The following NRK variants were observed in gnomAD, a reference collection of about 807,000 sequenced individuals.
The protein encoded by NRK is nik-related protein kinase.
In NRK, 67 loss-of-function variants were observed where a neutral mutation model predicts 125.2. The ratio of observed to expected loss-of-function variants is 0.54; its 90% CI spans 0.44 to 0.66. The LOEUF is 0.66. Ranked by LOEUF, NRK falls within the 30% of genes least tolerant of loss-of-function variation. NRK has a pLI of 0.00. For missense variants in NRK, 1,224 were observed against 1,192.9 expected (o/e 1.03, Z -0.38); for synonymous variants, 458 against 429.0 (o/e 1.07, Z -0.84).
At chrX:105,864,556 A>G (rs931546083) in intron 2 of NRK, among the ~76,000 whole-genome samples, 3 of 111,690 alleles carry the variant, frequency 2.7e-5, no homozygotes, top group African/African-American at 9.8e-5. Flanking sequence ...TAATATATAC[A>G]TCTTAAGTAA....
rs1340097774 is a variant in NRK, at chrX:105,941,753, C to T, written c.3958+1721C>T. ...TTTTAATTTACCTTTTAAAATAACC[C>T]TATTGAAATAATGTACATACCATGA... On this transcript the variant is annotated intron_variant, in intron 23 of 28. Coordinates refer to ENST00000243300, the MANE Select transcript of NRK (RefSeq NM_198465.4). Among the ~76,000 whole-genome samples, 13 of 111,361 alleles carry T rather than the reference C, an allele frequency of 1.2e-4. No homozygotes were observed. In the Admixed American group the frequency reaches 1.2e-3, roughly 11 times the overall value.
intron 19 of NRK, among the ~76,000 whole-genome samples, chrX:105,925,639 T>C (rs983376493): frequency 3.1e-4 from 35 of 111,327 alleles, no homozygotes; most frequent in Middle Eastern, 4.7e-3. Flanking sequence ...GAAACGACTA[T>C]TTACTCTCTA....
intron 22 of NRK, among the ~76,000 whole-genome samples, chrX:105,938,843 C>T (rs988873419): frequency 8.9e-6 from 1 of 111,789 alleles, no homozygotes; most frequent in African/African-American, 3.2e-5. Flanking sequence ...CACAGTTCCA[C>T]ATGGCTGGGG....
chrX:105,926,983 C>A (rs925432018), intron 19 of NRK, among the ~76,000 whole-genome samples: 1 of 110,762 alleles, frequency 9.0e-6, no homozygotes. Flanking sequence ...TGGTTCCATG[C>A]AAATTTTAGG....
chrX:105,846,103 T>C (rs1048429852), intron 2 of NRK, among the ~76,000 whole-genome samples: 2 of 111,385 alleles, frequency 1.8e-5, no homozygotes, highest in Non-Finnish European at 3.8e-5. Context: ...ATACCTAATA[T>C]AGGCCCAAGC....
chrX:105,881,923 C>A (rs956932335), intron 4 of NRK, 144 bp downstream of exon 4: 32 of 409,655 alleles, frequency 7.8e-5, no homozygotes, highest in Non-Finnish European at 1.1e-4. Context: ...ATATTTATAT[C>A]TTTTAATATA....
intron 3 of NRK, among the ~76,000 whole-genome samples, chrX:105,880,815 T>C: frequency 8.9e-6 from 1 of 111,886 alleles, no homozygotes; most frequent in Non-Finnish European, 1.9e-5. Flanking sequence ...CATATTGGCA[T>C]AGAATTTGCT....
At chrX:105,943,151 G>T (rs918534485) in intron 23 of NRK, among the ~76,000 whole-genome samples, 2 of 111,245 alleles carry the variant, frequency 1.8e-5, no homozygotes, top group African/African-American at 6.5e-5. Flanking sequence ...TTACTTCCAA[G>T]AATTTTATTG....
At chrX:105,853,394 G>A (rs763630815) in intron 2 of NRK, among the ~76,000 whole-genome samples, 6 of 111,686 alleles carry the variant, frequency 5.4e-5, no homozygotes, top group African/African-American at 2.0e-4. Context: ...TTGCTTCATT[G>A]TGCATATTAT....
chrX:105,919,957 A>C (rs1392720602), intron 16 of NRK, among the ~76,000 whole-genome samples: 1 of 102,406 alleles, frequency 9.8e-6, no homozygotes, highest in African/African-American at 3.7e-5. Flanking sequence ...TTTAGACATG[A>C]AGTCCTTGCC....
chrX:105,910,166 TA>T lies in NRK; in HGVS notation c.2241+289del, dbSNP rs368310303. ...CAATAAAGTGTCAACGAATGCACAT[TA>T]AAAATTACTATTTTGGATCTTTAAA... On this transcript the variant is annotated intron_variant, in intron 13 of 28. Transcript: ENST00000243300. Among the ~76,000 whole-genome samples the T allele has an allele frequency of 2.0e-3, 227 of 112,203 alleles. 3 individuals are homozygous for T. Among genetic ancestry groups the T allele is most frequent in the African/African-American group, 7.1e-3 (220 of 30,956 alleles).
chrX:105,873,063 C>T (rs2039768170), intron 2 of NRK, among the ~76,000 whole-genome samples: 1 of 111,654 alleles, frequency 9.0e-6, no homozygotes, highest in African/African-American at 3.3e-5. Flanking sequence ...GCCTCATGGC[C>T]TTCTGCCACC....
intron 1 of NRK, among the ~76,000 whole-genome samples, chrX:105,825,951 A>G (rs1308308946): frequency 1.9e-5 from 2 of 106,770 alleles, no homozygotes; most frequent in Non-Finnish European, 3.8e-5. Flanking sequence ...ATGTCTTTAT[A>G]TATATCTTTG....
At chrX:105,827,125 C>T (rs1440240155) in intron 1 of NRK, among the ~76,000 whole-genome samples, 1 of 111,867 alleles carries the variant, frequency 8.9e-6, no homozygotes, top group Non-Finnish European at 1.9e-5. Context: ...GAGATTTCCC[C>T]TTTAATGCCA....
intron 4 of NRK, among the ~76,000 whole-genome samples, chrX:105,883,089 G>A (rs892828146): frequency 3.2e-4 from 36 of 112,122 alleles, no homozygotes; most frequent in Non-Finnish European, 5.5e-4. Context: ...AGGAAATGCT[G>A]TAGCATCATA....
At position 105,906,584 on chromosome X, in the gene NRK, A is replaced by G; in HGVS notation, c.1016A>G (p.Lys339Arg). ...ACTGGAATCATTAAAAAAAGACAGA[A>G]AAAAGGTAGAATCTGTTAAGTTTTA... Reference protein sequence around the residue: ...HLTGIIKKRQKKGIPLIFERE... With the variant: ...HLTGIIKKRQRKGIPLIFERE... The change falls in exon 11 of 29, where the codon AAA becomes AGA. Residue 339 changes from lysine (K) to arginine (R), a missense_variant. Lys to Arg is a conservative substitution (Grantham distance 26, BLOSUM62 2). Transcript: ENST00000243300. 2.0e-6 allele frequency: 2 copies of G among 1,012,364 alleles called. No homozygotes were observed. Among genetic ancestry groups the G allele is most frequent in the Non-Finnish European group, 1.3e-6 (1 of 751,380 alleles). The allele number at this position is 1,012,364 out of a possible 1,213,427, so 83.4% of individuals were successfully genotyped here.
Position 105,937,543 on chromosome X carries a change from C to A in NRK, c.3760C>A (p.Gln1254Lys). The A allele has an allele frequency of 8.3e-7, 1 of 1,203,433 alleles. No homozygotes were observed. The highest frequency in any genetic ancestry group is 1.1e-6 in the Non-Finnish European group (1 of 890,182). The change falls in exon 22 of 29, where the codon CAA (glutamine) becomes AAA (lysine). Residue 1254 changes from glutamine (Q) to lysine (K), a missense_variant. By Grantham distance (53) the Gln-to-Lys change is moderately conservative. Coordinates refer to ENST00000243300, the MANE Select transcript of NRK (RefSeq NM_198465.4). ...LIRRRPFRQI[Q>K]VLEPLNLLIT... The stretch of plus-strand genomic sequence containing the variant: ...AAGGCGAAGACCATTCCGCCAGATT[C>A]AAGTCTTAGAGCCACTCAATTTGCT...
At chrX:105,899,837 A>G (rs972752745) in intron 8 of NRK, among the ~76,000 whole-genome samples, 2 of 110,483 alleles carry the variant, frequency 1.8e-5, no homozygotes, top group East Asian at 5.7e-4. Context: ...GCGTGGTGGC[A>G]GGCACCTATA....
rs2040266044 is a variant in NRK at position 105,909,449 on chromosome X, A to T, written c.1808A>T (p.His603Leu). 8.3e-7 allele frequency: 1 copy of T among 1,207,388 alleles called. No homozygotes were observed. Among genetic ancestry groups the T allele is most frequent in the African/African-American group, 1.8e-5 (1 of 57,005 alleles). ...SQDHHVLLPL[H>L]LDTQVLIPVE... ...GATCACCATGTGCTGTTGCCACTAC[A>T]TTTGGATACTCAGGTGCTCATTCCA... The change falls in exon 13 of 29, where the codon CAT becomes CTT. Residue 603 changes from histidine to leucine, a missense_variant. His to Leu is a moderately conservative substitution (Grantham distance 99). Transcript: ENST00000243300.
Sources: allele counts gnomAD v4.1 joint callset (sites outside exome capture counted in the v4.1 genomes callset), GRCh38; gene constraint gnomAD v4.1.1; transcripts MANE v1.5; gene names NCBI Gene and HGNC (gene_info 2026-07-23, HGNC 2026-07-21).